The following ZFPM2 variants were observed in gnomAD, a reference collection of about 807,000 sequenced individuals.
ZFPM2 encodes the protein zinc finger protein ZFPM2.
ZFPM2 carries 20 observed loss-of-function variants against 98.6 expected under a neutral mutation model. The observed-to-expected ratio is 0.20, with a 90% CI of 0.14 to 0.29. The LOEUF is 0.29. Ranked by LOEUF, ZFPM2 falls within the 10% of genes least tolerant of loss-of-function variation. ZFPM2 has a pLI of 1.00. For missense variants in ZFPM2, 1,310 were observed against 1,388.6 expected (o/e 0.94, Z 0.90); for synonymous variants, 518 against 502.7 (o/e 1.03, Z -0.41).
intron 3 of ZFPM2, among the ~76,000 whole-genome samples, chr8:105,495,935 A>C (rs2130450139): frequency 6.6e-6 from 1 of 152,328 alleles, no homozygotes; most frequent in African/African-American, 2.4e-5. Flanking sequence ...TAGCAAAAAT[A>C]GTACAGAGAG....
chr8:105,455,516 C>G (rs1812571040), intron 3 of ZFPM2, among the ~76,000 whole-genome samples: 1 of 148,102 alleles, frequency 6.8e-6, no homozygotes, highest in Non-Finnish European at 1.5e-5. Flanking sequence ...GTCTGTAATA[C>G]TATTATTGGA....
intron 1 of ZFPM2, among the ~76,000 whole-genome samples, chr8:105,385,503 G>A (rs960582453): frequency 6.6e-6 from 1 of 152,166 alleles, no homozygotes; most frequent in African/African-American, 2.4e-5. Flanking sequence ...CCTGTGTTGT[G>A]TGTGCTCACT....
In ZFPM2 at chr8:105,802,868, G is replaced by A; in HGVS notation, c.2786G>A (p.Gly929Glu). 2 of 1,613,700 alleles carry A rather than the reference G, an allele frequency of 1.2e-6. No homozygotes were observed. Among genetic ancestry groups the A allele is most frequent in the Non-Finnish European group, 1.7e-6 (2 of 1,179,820 alleles). ...NGNLKQPSPN[G>E]NLFSSHLATL... Reference sequence around the variant, plus strand: ...AATTTGAAGCAGCCTTCCCCCAATGGAAACTTATTTTCATCCCACCTAGCA... The same window carrying A: ...AATTTGAAGCAGCCTTCCCCCAATGAAAACTTATTTTCATCCCACCTAGCA... Residue 929 changes from glycine (G) to glutamate (E), a missense_variant, in exon 8 of 8, where the codon GGA becomes GAA. Physicochemically the swap from Gly to Glu is moderately conservative, Grantham distance 98. Coordinates refer to ENST00000407775, the MANE Select transcript of ZFPM2 (RefSeq NM_012082.4).
chr8:105,532,706 G>A (rs1168115068), intron 3 of ZFPM2, among the ~76,000 whole-genome samples: 2 of 152,158 alleles, frequency 1.3e-5, no homozygotes, highest in African/African-American at 4.8e-5. Context: ...TGTAGTGATT[G>A]TTACATGTAG....
Position 105,634,343 on chromosome 8 carries a change from T to A in ZFPM2, c.518T>A (p.Ile173Asn). ...GTGGAAGACAACAAAAACAACTGCA[T>A]TGTGTACAGCAAAGGTAAATGCAAG... is the stretch of plus-strand genomic sequence containing the variant. ...QGVEDNKNNCIVYSKGGQLWC... is the reference protein window; with the variant it reads ...QGVEDNKNNCNVYSKGGQLWC... The change falls in exon 5 of 8, where the codon ATT becomes AAT. Residue 173 changes from isoleucine to asparagine, a missense_variant. Physicochemically the swap from Ile to Asn is moderately radical, Grantham distance 149. Coordinates refer to ENST00000407775, the MANE Select transcript of ZFPM2 (RefSeq NM_012082.4). 6.2e-7 allele frequency: 1 copy of A among 1,611,880 alleles called. No individual in the cohort carries two copies.
intron 1 of ZFPM2, among the ~76,000 whole-genome samples, chr8:105,331,782 A>G (rs1330251453): frequency 1.3e-5 from 2 of 151,816 alleles, no homozygotes; most frequent in African/African-American, 4.8e-5. Flanking sequence ...AGGAATTGCT[A>G]TATAGACATC....
intron 4 of ZFPM2, among the ~76,000 whole-genome samples, chr8:105,590,974 G>A (rs1395553070): frequency 1.3e-5 from 2 of 152,302 alleles, no homozygotes; most frequent in East Asian, 3.9e-4. Context: ...GCTAATGTAA[G>A]GTTATTATAA....
At chr8:105,753,326 A>C (rs2131057152) in intron 5 of ZFPM2, among the ~76,000 whole-genome samples, 1 of 152,078 alleles carries the variant, frequency 6.6e-6, no homozygotes, top group Non-Finnish European at 1.5e-5. Flanking sequence ...CACACCATAA[A>C]CCTTATACAC....
At position 105,433,923 on chromosome 8, in the gene ZFPM2, T is replaced by C. The variant is rs558354407; in HGVS notation, c.200-10357T>C. 6.6e-5 allele frequency among the ~76,000 whole-genome samples: 10 copies of C among 152,376 alleles called. No individual in the cohort carries two copies. The South Asian group carries it at 1.9e-3, about 28-fold the overall frequency. On this transcript the variant is annotated intron_variant, in intron 2 of 7. Transcript: ENST00000407775. ...CAAATAAATGTGGGTTCTAGTCTTT[T>C]GATCTGCTTAATCTTTCATATTAAG...
At chr8:105,579,898 A>G (rs1267434351) in intron 4 of ZFPM2, among the ~76,000 whole-genome samples, 1 of 152,114 alleles carries the variant, frequency 6.6e-6, no homozygotes, top group African/African-American at 2.4e-5. Context: ...AAAAGACTCA[A>G]ATATAGCTGT....
At chr8:105,506,110 T>G (rs2130489322) in intron 3 of ZFPM2, among the ~76,000 whole-genome samples, 1 of 152,274 alleles carries the variant, frequency 6.6e-6, no homozygotes, top group Admixed American at 6.5e-5. Flanking sequence ...ATAAAGCATG[T>G]CTCTTATCTT....
chr8:105,632,232 C>T (rs865937668), intron 4 of ZFPM2, among the ~76,000 whole-genome samples: 2 of 152,076 alleles, frequency 1.3e-5, no homozygotes, highest in Non-Finnish European at 1.5e-5. Context: ...TACAGTAGCA[C>T]GATCTTGGCT....
intron 2 of ZFPM2, among the ~76,000 whole-genome samples, chr8:105,430,512 C>A (rs1363194757): frequency 1.3e-5 from 2 of 152,080 alleles, no homozygotes; most frequent in Non-Finnish European, 2.9e-5. Flanking sequence ...TCATGAAAAG[C>A]CTGATTTTGA....
At chr8:105,586,165 A>T (rs1250981948) in intron 4 of ZFPM2, among the ~76,000 whole-genome samples, 2 of 152,140 alleles carry the variant, frequency 1.3e-5, no homozygotes, top group Non-Finnish European at 2.9e-5. Context: ...TAAGAATGAA[A>T]TAATTATTTA....
intron 4 of ZFPM2, among the ~76,000 whole-genome samples, chr8:105,562,866 A>C (rs1030384878): frequency 4.6e-5 from 7 of 152,206 alleles, no homozygotes; most frequent in African/African-American, 2.4e-5. Flanking sequence ...CGCAAGTTCT[A>C]GAGGTCAGGA....
At chr8:105,342,931 T>A (rs1563612560) in intron 1 of ZFPM2, among the ~76,000 whole-genome samples, 2 of 151,966 alleles carry the variant, frequency 1.3e-5, no homozygotes, top group East Asian at 3.9e-4. Flanking sequence ...AAAAAAATAA[T>A]AATAAGTATA....
At chr8:105,513,417 C>G (rs1813855630) in intron 3 of ZFPM2, among the ~76,000 whole-genome samples, 1 of 152,104 alleles carries the variant, frequency 6.6e-6, no homozygotes, top group African/African-American at 2.4e-5. Flanking sequence ...TTTTTAAGGT[C>G]TATATAAGGA....
intron 5 of ZFPM2, among the ~76,000 whole-genome samples, chr8:105,778,165 T>C (rs1293071478): frequency 6.6e-6 from 1 of 152,226 alleles, no homozygotes; most frequent in Non-Finnish European, 1.5e-5. Context: ...GTATTGGATT[T>C]GAATTCATTA....
chr8:105,523,860 C>A (rs1317463308), intron 3 of ZFPM2, among the ~76,000 whole-genome samples: 1 of 152,058 alleles, frequency 6.6e-6, no homozygotes, highest in Non-Finnish European at 1.5e-5. Flanking sequence ...GATGTTCAGG[C>A]CCCCCTGTGG....
Sources: gnomAD v4.1 joint callset for allele counts (sites outside exome capture counted in the v4.1 genomes callset) on GRCh38, gnomAD v4.1.1 for gene constraint, MANE v1.5 for transcripts, NCBI Gene and HGNC (gene_info 2026-07-23, HGNC 2026-07-21) for gene names.